KLHL29: variants seen among roughly 807,000 people sequenced by gnomAD.
KLHL29 encodes the protein kelch-like protein 29.
KLHL29 carries 21 observed loss-of-function variants against 80.4 expected under a neutral mutation model. The observed-to-expected ratio is 0.26, with a 90% CI of 0.19 to 0.38. The LOEUF is 0.38. Ranked by LOEUF, KLHL29 falls within the 10% of genes least tolerant of loss-of-function variation. The pLI is 1.00. For synonymous variants in KLHL29, 511 were observed against 526.8 expected, an observed-to-expected ratio of 0.97 and a Z score of 0.41; for missense variants, 867 against 1,223.9, an observed-to-expected ratio of 0.71 and a Z score of 4.35.
At chr2:23,639,318 A>G (rs1487828067) in intron 4 of KLHL29, 38 bp downstream of exon 4, 22 of 1,532,470 alleles carry the variant, frequency 1.4e-5, no homozygotes, top group African/African-American at 2.8e-5. Context: ...GACTGAGCCC[A>G]GGGCTTGGCG....
intron 1 of KLHL29, among the ~76,000 whole-genome samples, 163 bp downstream of exon 1, chr2:23,385,943 C>T (rs1666166111): frequency 6.6e-6 from 1 of 152,070 alleles, no homozygotes; most frequent in African/African-American, 2.4e-5. Context: ...GAGCCTCCCG[C>T]GTCTGGACTC....
At chr2:23,438,826 A>C (rs1026524135) in intron 1 of KLHL29, among the ~76,000 whole-genome samples, 3 of 152,060 alleles carry the variant, frequency 2.0e-5, no homozygotes, top group African/African-American at 7.3e-5. Flanking sequence ...TGGCCTCATA[A>C]AATGAGTTAG....
intron 3 of KLHL29, among the ~76,000 whole-genome samples, chr2:23,592,452 G>T (rs1023236116): frequency 6.6e-6 from 1 of 152,212 alleles, no homozygotes; most frequent in Non-Finnish European, 1.5e-5. Flanking sequence ...ATTCTGACCT[G>T]GGAGCCAAGC....
At chr2:23,398,645 G>A (rs1275432683) in intron 1 of KLHL29, among the ~76,000 whole-genome samples, 5 of 152,206 alleles carry the variant, frequency 3.3e-5, no homozygotes, top group Non-Finnish European at 4.4e-5. Flanking sequence ...CATCGCTGTC[G>A]ATAGTGAGCC....
chr2:23,512,892 A>G (rs1665815998), intron 2 of KLHL29, among the ~76,000 whole-genome samples: 2 of 152,234 alleles, frequency 1.3e-5, no homozygotes, highest in Admixed American at 1.3e-4. Context: ...AACGTGTCGT[A>G]CTTCTCTGTG....
At chr2:23,586,379 T>C (rs1015348889) in intron 3 of KLHL29, among the ~76,000 whole-genome samples, 1 of 147,818 alleles carries the variant, frequency 6.8e-6, no homozygotes, top group African/African-American at 2.5e-5. Flanking sequence ...TTTTTTTTTT[T>C]TTTTTTGAGA....
intron 5 of KLHL29, among the ~76,000 whole-genome samples, chr2:23,658,454 A>G (rs746889191): frequency 6.6e-6 from 1 of 152,152 alleles, no homozygotes; most frequent in Non-Finnish European, 1.5e-5. Flanking sequence ...GCTCCCCACA[A>G]GGCTCACAGA....
intron 3 of KLHL29, among the ~76,000 whole-genome samples, chr2:23,636,953 G>A (rs755481380): frequency 6.6e-6 from 1 of 152,126 alleles, no homozygotes; most frequent in Non-Finnish European, 1.5e-5. Context: ...TTGCCAGGCC[G>A]GAGTGTGATT....
chr2:23,611,967 C>CA (rs912825173), intron 3 of KLHL29, among the ~76,000 whole-genome samples: 20 of 147,592 alleles, frequency 1.4e-4, no homozygotes, highest in African/African-American at 4.5e-4. Context: ...AGAAAAAATG[C>CA]AAAAAAAGGC....
chr2:23,530,185 G>T (rs1363175687), intron 2 of KLHL29, among the ~76,000 whole-genome samples: 1 of 152,170 alleles, frequency 6.6e-6, no homozygotes, highest in Non-Finnish European at 1.5e-5. Context: ...GAGCCCTCTG[G>T]GTGCCTGAGT....
intron 1 of KLHL29, among the ~76,000 whole-genome samples, chr2:23,425,643 C>A (rs142565677): frequency 6.6e-6 from 1 of 152,208 alleles, no homozygotes; most frequent in South Asian, 2.1e-4. Context: ...AGTGTCCCCC[C>A]AGACTGCAGC....
At chr2:23,694,731 C>T (rs1003055546) in intron 8 of KLHL29, among the ~76,000 whole-genome samples, 4 of 152,194 alleles carry the variant, frequency 2.6e-5, no homozygotes, top group East Asian at 1.9e-4. Context: ...ACACGGGCTT[C>T]GAATGTCCAC....
intron 3 of KLHL29, chr2:23,617,743 G>A (rs1669058448): frequency 6.6e-6 from 1 of 152,208 alleles, no homozygotes; most frequent in South Asian, 2.1e-4. Context: ...TCAGCAACAG[G>A]AAAGGTTACA....
chr2:23,611,418 T>G (rs1399084727), intron 3 of KLHL29, among the ~76,000 whole-genome samples: 1 of 152,198 alleles, frequency 6.6e-6, no homozygotes, highest in Non-Finnish European at 1.5e-5. Flanking sequence ...TCTGAAGGGC[T>G]GCACACTGGG....
chr2:23,544,116 A>G lies in KLHL29; in HGVS notation c.-45-18036A>G, dbSNP rs980781176. ...GATGCTGCCCCCATCAGATAGGGGCAGTCTGGTGGGTGGGGCAGGGAAGGA... is the reference window on the plus strand; with the variant it reads ...GATGCTGCCCCCATCAGATAGGGGCGGTCTGGTGGGTGGGGCAGGGAAGGA... On this transcript the variant is annotated intron_variant, in intron 2 of 13. Transcript: ENST00000486442. Among the ~76,000 whole-genome samples, 12 of 152,192 alleles carry G rather than the reference A, an allele frequency of 7.9e-5. 1 individual carries two copies. Among genetic ancestry groups the G allele is most frequent in the Non-Finnish European group, 1.5e-4 (10 of 68,018 alleles).
At chr2:23,678,649 T>C (rs1421982546) in intron 5 of KLHL29, among the ~76,000 whole-genome samples, 1 of 152,140 alleles carries the variant, frequency 6.6e-6, no homozygotes, top group East Asian at 1.9e-4. Context: ...AGCAAAATGG[T>C]GGCAGCAACC....
chr2:23,537,267 A>T (rs4497835), intron 2 of KLHL29, among the ~76,000 whole-genome samples: 74,126 of 151,994 alleles, frequency 0.49, 20,890 homozygotes, highest in East Asian at 0.87. Context: ...TACCCTCTGA[A>T]CACTCTGTTG....
intron 3 of KLHL29, among the ~76,000 whole-genome samples, chr2:23,566,336 A>G (rs971119080): frequency 2.0e-5 from 3 of 152,222 alleles, no homozygotes; most frequent in African/African-American, 7.2e-5. Context: ...CCAGCCCCTC[A>G]TTCTACAGGT....
In KLHL29 at chr2:23,562,262, C is replaced by G; in HGVS notation, c.66C>G (p.Ser22Arg). The change falls in exon 3 of 14, where the codon AGC becomes AGG. Residue 22 changes from serine to arginine, a missense_variant. This residue lies in a region of KLHL29 where 424 missense variants were observed against 456.9 expected (regional missense o/e 0.93). Coordinates refer to ENST00000486442, the MANE Select transcript of KLHL29 (RefSeq NM_052920.2). This position sits in a 1 kb window ranked among gnomAD's most constrained non-coding sequence, Gnocchi z 4.5. ...TGGGCTGGGACCGCCGCGAATGGAG[C>G]GTCAACGGGACGCATGGGACCACCA... The part of the protein sequence containing the change: ...YRVGWDRREW[S>R]VNGTHGTTSI... 1 of 1,549,964 alleles carries G rather than the reference C, an allele frequency of 6.5e-7. No individual in the cohort carries two copies. The highest frequency in any genetic ancestry group is 8.7e-7 in the Non-Finnish European group (1 of 1,146,642).
Sources: gnomAD v4.1 joint callset for allele counts (sites outside exome capture counted in the v4.1 genomes callset) on GRCh38, gnomAD v4.1.1 for gene constraint, gnomAD v4.1.1 regional missense constraint, Gnocchi (gnomAD v3.1) non-coding constraint, MANE v1.5 for transcripts, NCBI Gene and HGNC (gene_info 2026-07-23, HGNC 2026-07-21) for gene names.